The following PEPD variants were observed in gnomAD, a reference collection of about 807,000 sequenced individuals.
PEPD encodes the protein xaa-Pro dipeptidase.
A neutral mutation model predicts 60.7 loss-of-function variants in PEPD; 53 were observed. The ratio of observed to expected loss-of-function variants is 0.87; its 90% CI spans 0.70 to 1.10. The LOEUF is 1.10. PEPD is among the 50% of genes least tolerant of loss of function. The probability of loss-of-function intolerance (pLI) is 0.00; values close to 1 mark genes in which losing one functional copy is unlikely to be tolerated. For synonymous variants in PEPD, 267 were observed against 284.1 expected, an observed-to-expected ratio of 0.94 and a Z score of 0.60; for missense variants, 711 against 711.9, an observed-to-expected ratio of 1.00 and a Z score of 0.01.
intron 11 of PEPD, among the ~76,000 whole-genome samples, chr19:33,403,890 C>T (rs1172255474): frequency 6.6e-6 from 1 of 152,226 alleles, no homozygotes; most frequent in African/African-American, 2.4e-5. Flanking sequence ...GTCAGAGTCA[C>T]AGGATCTCTG....
chr19:33,431,222 G>A (rs891405478), intron 9 of PEPD, among the ~76,000 whole-genome samples: 9 of 151,298 alleles, frequency 5.9e-5, no homozygotes, highest in African/African-American at 1.9e-4. Flanking sequence ...GAGGGAAGGA[G>A]GGCAATTCAA....
At chr19:33,503,946 G>A (rs1970755904) in intron 3 of PEPD, among the ~76,000 whole-genome samples, 1 of 152,074 alleles carries the variant, frequency 6.6e-6, no homozygotes, top group Admixed American at 6.5e-5. Context: ...CACCCCAACT[G>A]TGCGGAGGGA....
chr19:33,387,947 C>T lies in PEPD; in HGVS notation c.1287G>A (p.Pro429=), dbSNP rs1351041086. 8 of 1,597,682 alleles carry T rather than the reference C, an allele frequency of 5.0e-6. No homozygotes were observed. Among genetic ancestry groups the T allele is most frequent in the Middle Eastern group, 1.7e-4 (1 of 6,040 alleles). The part of the protein sequence containing the change: ...DHLLDEALAD[P]ARASFLNREV... Reference sequence around the variant, plus strand: ...CGCGGTTAAGGAAGGAGGCGCGGGCCGGGTCCGCCAGGGCCTCATCCAGGA... The same window carrying T: ...CGCGGTTAAGGAAGGAGGCGCGGGCTGGGTCCGCCAGGGCCTCATCCAGGA... Residue 429 remains proline, a synonymous_variant, in exon 14 of 15, where the codon CCG becomes CCA. Transcript: ENST00000244137.
intron 7 of PEPD, among the ~76,000 whole-genome samples, chr19:33,476,520 G>T (rs1970218513): frequency 6.6e-6 from 1 of 151,950 alleles, no homozygotes; most frequent in South Asian, 2.1e-4. Context: ...TTTCCCTCTT[G>T]ACTGCGGCTT....
rs560940312 is a variant in PEPD, at chr19:33,469,978, C to G, written c.549-5916G>C. 6.6e-5 allele frequency among the ~76,000 whole-genome samples: 10 copies of G among 152,084 alleles called. No individual in the cohort carries two copies. The South Asian group carries it at 2.1e-3, about 32-fold the overall frequency. ...TGCACCCACCTGTGGGTCCTGGGTG[C>G]CCTGGAGCTCAGTGTGCGAGAACCC... On this transcript the variant is annotated intron_variant, in intron 7 of 14. Coordinates refer to ENST00000244137, the MANE Select transcript of PEPD (RefSeq NM_000285.4).
At chr19:33,496,573 G>T (rs1215968150) in intron 4 of PEPD, among the ~76,000 whole-genome samples, 1 of 152,216 alleles carries the variant, frequency 6.6e-6, no homozygotes, top group South Asian at 2.1e-4. Flanking sequence ...GGAACACGAC[G>T]CGCTGTGCGT....
intron 7 of PEPD, among the ~76,000 whole-genome samples, chr19:33,477,497 T>C (rs910295722): frequency 6.6e-6 from 1 of 152,182 alleles, no homozygotes; most frequent in Admixed American, 6.5e-5. Flanking sequence ...AGAAAACTGG[T>C]GGCACACTGG....
chr19:33,457,581 G>A (rs967620433), intron 9 of PEPD, among the ~76,000 whole-genome samples: 1 of 152,302 alleles, frequency 6.6e-6, no homozygotes, highest in Middle Eastern at 3.4e-3. Context: ...GAATGCAGAG[G>A]CTCACTGCAA....
At chr19:33,452,665 T>C (rs1043379578) in intron 9 of PEPD, among the ~76,000 whole-genome samples, 17 of 152,256 alleles carry the variant, frequency 1.1e-4, no homozygotes, top group African/African-American at 3.4e-4. Flanking sequence ...GAGAATAAAA[T>C]TGGTTACTTG....
intron 7 of PEPD, among the ~76,000 whole-genome samples, chr19:33,466,354 C>T (rs958827444): frequency 6.6e-6 from 1 of 152,178 alleles, no homozygotes; most frequent in African/African-American, 2.4e-5. Flanking sequence ...GAAAATGTAA[C>T]CCAGTGATCA....
intron 13 of PEPD, chr19:33,388,294 G>A: frequency 1.4e-6 from 1 of 692,178 alleles, no homozygotes; most frequent in Non-Finnish European, 2.7e-6. Flanking sequence ...GAGTGTCCCT[G>A]GCCACACTAC....
intron 3 of PEPD, among the ~76,000 whole-genome samples, chr19:33,507,739 C>T (rs1043366531): frequency 1.9e-4 from 29 of 152,144 alleles, no homozygotes; most frequent in African/African-American, 6.5e-4. Flanking sequence ...AGCAGCCATA[C>T]GCAATCAGAT....
chr19:33,499,249 A>G (rs967628913), intron 4 of PEPD, among the ~76,000 whole-genome samples: 2 of 152,210 alleles, frequency 1.3e-5, no homozygotes, highest in Non-Finnish European at 2.9e-5. Flanking sequence ...TTGAAATAAC[A>G]TAACATAAAG....
In PEPD at chr19:33,409,889, G is replaced by A. The variant is rs1001638211; in HGVS notation, c.818+1783C>T. Among the ~76,000 whole-genome samples, 4 of 152,324 alleles carry A rather than the reference G, an allele frequency of 2.6e-5. No homozygotes were observed. In the East Asian group the frequency reaches 7.7e-4, roughly 29 times the overall value. On this transcript the variant is annotated intron_variant, in intron 11 of 14. Transcript: ENST00000244137. Reference sequence around the variant, plus strand: ...ACACATGGGGTGAGGTGCCTACATCGCAGGATCAGGGCGAGGAGTGGGTGA... The same window carrying A: ...ACACATGGGGTGAGGTGCCTACATCACAGGATCAGGGCGAGGAGTGGGTGA...
chr19:33,466,994 A>G (rs1444936672), intron 7 of PEPD, among the ~76,000 whole-genome samples: 1 of 151,724 alleles, frequency 6.6e-6, no homozygotes, highest in East Asian at 1.9e-4. Flanking sequence ...CATCTCTACT[A>G]AAAATACAAA....
chr19:33,486,490 T>C (rs10425678), intron 6 of PEPD, among the ~76,000 whole-genome samples: 81,094 of 151,774 alleles, frequency 0.53, 22,739 homozygotes, highest in African/African-American at 0.71. Context: ...CCGAGCCACA[T>C]CACTGGGTGA....
At chr19:33,507,493 C>T (rs1346760308) in intron 3 of PEPD, among the ~76,000 whole-genome samples, 2 of 152,228 alleles carry the variant, frequency 1.3e-5, no homozygotes, top group East Asian at 1.9e-4. Flanking sequence ...ACCCTGACAA[C>T]AGCAAGACCG....
At chr19:33,469,378 G>C (rs902029331) in intron 7 of PEPD, among the ~76,000 whole-genome samples, 1 of 152,148 alleles carries the variant, frequency 6.6e-6, no homozygotes, top group Non-Finnish European at 1.5e-5. Context: ...TGAGCTGCAG[G>C]GGAACCCGCA....
chr19:33,463,856 G>A (rs1969972721), intron 8 of PEPD, 131 bp downstream of exon 8: 2 of 719,690 alleles, frequency 2.8e-6, no homozygotes, highest in Non-Finnish European at 5.1e-6. Context: ...CAATCACTGT[G>A]TAAAACTTCC....
Sources: gnomAD v4.1 joint callset for allele counts (sites outside exome capture counted in the v4.1 genomes callset) on GRCh38, gnomAD v4.1.1 for gene constraint, MANE v1.5 for transcripts, NCBI Gene and HGNC (gene_info 2026-07-23, HGNC 2026-07-21) for gene names.